Variants in HUWE1 observed in about 807,000 individuals in gnomAD.
HUWE1 encodes the protein HECT, UBA and WWE domain containing E3 ubiquitin protein ligase 1.
Under a neutral mutation model 299.4 loss-of-function variants are expected in HUWE1, and 18 were observed. The observed-to-expected ratio is 0.06, with a 90% CI of 0.04 to 0.09. The LOEUF (loss-of-function observed/expected upper bound fraction) is 0.09, where lower values mean the gene tolerates loss of function less well. Ranked by LOEUF, HUWE1 falls within the 10% of genes least tolerant of loss-of-function variation. HUWE1 has a pLI of 1.00. For synonymous variants in HUWE1, 1,317 were observed against 1,286.1 expected (o/e 1.02, Z -0.51); for missense variants, 1,832 against 3,462.3 (o/e 0.53, Z 11.82).
chrX:53,554,160 C>T (rs2061891768), intron 61 of HUWE1, among the ~76,000 whole-genome samples: 1 of 111,318 alleles, frequency 9.0e-6, no homozygotes, highest in Non-Finnish European at 1.9e-5. Flanking sequence ...TACAGAGTGA[C>T]TTGGGCTAAT....
chrX:53,604,489 C>A (rs782169694), intron 26 of HUWE1, 100 bp downstream of exon 26: 7 of 988,541 alleles, frequency 7.1e-6, no homozygotes, highest in Non-Finnish European at 1.0e-5. Context: ...GCTGCTACCT[C>A]AGGCAGACCT....
At position 53,561,874 on chromosome X, in the gene HUWE1, A is replaced by G; in HGVS notation, c.7389T>C (p.Ser2463=). The G allele has an allele frequency of 8.3e-7, 1 of 1,211,201 alleles. No homozygotes were observed. Among genetic ancestry groups the G allele is most frequent in the Non-Finnish European group, 1.1e-6 (1 of 895,055 alleles). The change falls in exon 55 of 84, where the codon TCT becomes TCC. Residue 2463 remains serine, a synonymous_variant. Coordinates refer to ENST00000262854, the MANE Select transcript of HUWE1 (RefSeq NM_031407.7). The part of the protein sequence containing the change: ...EGDEDDDDDG[S]EMELDEDYPD... Reference sequence around the variant, plus strand: ...GATAATCCTCATCCAATTCCATCTCAGAGCCATCGTCGTCATCGTCTTCAT... The same window carrying G: ...GATAATCCTCATCCAATTCCATCTCGGAGCCATCGTCGTCATCGTCTTCAT...
At chrX:53,567,408 G>A (rs1406973151) in intron 49 of HUWE1, among the ~76,000 whole-genome samples, 1 of 111,350 alleles carries the variant, frequency 9.0e-6, no homozygotes, top group African/African-American at 3.3e-5. Flanking sequence ...AGTGACTGCA[G>A]TGATCCAAAT....
chrX:53,577,758 G>T (rs1396112179), intron 43 of HUWE1, among the ~76,000 whole-genome samples: 1 of 114,642 alleles, frequency 8.7e-6, no homozygotes, highest in Non-Finnish European at 1.9e-5. Flanking sequence ...TCCTAACCGC[G>T]AGTGATCCGC....
chrX:53,626,641 C>T (rs1453754228), intron 17 of HUWE1, among the ~76,000 whole-genome samples: 1 of 111,858 alleles, frequency 8.9e-6, no homozygotes, highest in Non-Finnish European at 1.9e-5. Context: ...TTACTTTATA[C>T]ACTTGAATAA....
chrX:53,588,224 C>T (rs782745501), intron 37 of HUWE1, among the ~76,000 whole-genome samples, 158 bp downstream of exon 37: 1 of 111,693 alleles, frequency 9.0e-6, no homozygotes, highest in Non-Finnish European at 1.9e-5. Flanking sequence ...GTATTTTATA[C>T]GTAATTATAT....
intron 6 of HUWE1, among the ~76,000 whole-genome samples, chrX:53,645,886 G>GC (rs1390634965): frequency 9.4e-6 from 1 of 106,743 alleles, no homozygotes; most frequent in Non-Finnish European, 1.9e-5. Context: ...TCAAAATTGC[G>GC]CAGGTTTTCC....
At chrX:53,578,805 G>T (rs1394372889) in intron 43 of HUWE1, among the ~76,000 whole-genome samples, 1 of 75,026 alleles carries the variant, frequency 1.3e-5, no homozygotes, top group African/African-American at 5.1e-5. Context: ...GAGGGAGGTG[G>T]GGGGGGGTCA....
intron 12 of HUWE1, 43 bp downstream of exon 12, chrX:53,630,892 A>C: frequency 1.2e-6 from 1 of 802,645 alleles, no homozygotes; most frequent in Non-Finnish European, 1.9e-6. Context: ...ATCAGGCCCA[A>C]ACTGTCTAAT....
intron 2 of HUWE1, among the ~76,000 whole-genome samples, chrX:53,681,089 G>C (rs2070111441): frequency 9.0e-6 from 1 of 110,655 alleles, no homozygotes; most frequent in Admixed American, 9.6e-5. Flanking sequence ...TTGTATTAAA[G>C]GGTTGTTGCT....
chrX:53,540,556 T>G (rs1203943404), intron 74 of HUWE1, among the ~76,000 whole-genome samples: 3 of 112,221 alleles, frequency 2.7e-5, no homozygotes, highest in Admixed American at 9.4e-5. Flanking sequence ...CTTGAACTCC[T>G]GACCTCGTGA....
Position 53,573,922 on chromosome X carries a change from T to G in HUWE1, c.6140A>C (p.Glu2047Ala). The G allele has an allele frequency of 8.3e-7, 1 of 1,211,346 alleles. No individual in the cohort carries two copies. The highest frequency in any genetic ancestry group is 1.1e-6 in the Non-Finnish European group (1 of 895,394). Residue 2047 changes from glutamate (E) to alanine (A), a missense_variant, in exon 47 of 84, where the codon GAA (glutamate) becomes GCA (alanine). Physicochemically the swap from Glu to Ala is moderately radical, Grantham distance 107. Around this residue, in one of 15 missense-constraint regions of HUWE1, gnomAD observed 157 missense variants for 252.3 expected, o/e 0.62. Transcript: ENST00000262854. The part of the protein sequence containing the change: ...EESRDGKKDK[E>A]GDRASEEGKQ... ...GCCTTCCTCAGAGGCCCGGTCCCCT[T>G]CTTTATCTTTCTTCCCATCTCGAGA...
chrX:53,628,406 A>G, intron 15 of HUWE1, 87 bp downstream of exon 15: 3 of 959,519 alleles, frequency 3.1e-6, no homozygotes, highest in Non-Finnish European at 1.4e-6. Flanking sequence ...ATTTGCCCTC[A>G]CTGTGAAACA....
intron 82 of HUWE1, 46 bp downstream of exon 82, chrX:53,534,470 C>G (rs782663491): frequency 3.0e-5 from 34 of 1,119,467 alleles, no homozygotes; most frequent in Middle Eastern, 6.4e-4. Flanking sequence ...CTAGCGTTGC[C>G]TAGGGTAAGA....
Position 53,564,543 on chromosome X carries a change from C to G in HUWE1, c.7029+31G>C, listed in dbSNP as rs374868244. 13 of 1,205,158 alleles carry G rather than the reference C, an allele frequency of 1.1e-5. No individual in the cohort carries two copies. The African/African-American group carries it at 1.4e-4, about 13-fold the overall frequency. On this transcript the variant is annotated intron_variant, in intron 51 of 83. Transcript: ENST00000262854. ...GCAAGGGTTTGGTTCAGCGCCGCAA[C>G]AGGGAAATGCTGGGTGATCTGCCTC...
intron 78 of HUWE1, chrX:53,537,130 C>T (rs2061100321): frequency 4.3e-6 from 1 of 230,530 alleles, no homozygotes; most frequent in East Asian, 1.1e-4. Context: ...CATTAAACAA[C>T]TCCAATAGGT....
chrX:53,630,673 TA>T (rs11317885), intron 12 of HUWE1, among the ~76,000 whole-genome samples: 217 of 97,558 alleles, frequency 2.2e-3, no homozygotes, highest in Middle Eastern at 5.0e-3. Context: ...GCATATCTAT[TA>T]AAAAAAAAAA....
chrX:53,606,836 G>A (rs2065179257), intron 25 of HUWE1, among the ~76,000 whole-genome samples: 1 of 111,352 alleles, frequency 9.0e-6, no homozygotes, highest in Non-Finnish European at 1.9e-5. Flanking sequence ...GGGAGGATGA[G>A]AAGTTCAATG....
chrX:53,609,832 CTAGTAGTTCTCATCTTTGA>C (rs2065349245), intron 23 of HUWE1, among the ~76,000 whole-genome samples: 1 of 111,694 alleles, frequency 9.0e-6, no homozygotes, highest in Admixed American at 9.5e-5. Flanking sequence ...TGGCAAGAAG[CTAGTAGTTCTCATCTTTGA>C]GCAAGACAAA....
Sources: allele counts gnomAD v4.1 joint callset (sites outside exome capture counted in the v4.1 genomes callset), GRCh38; gene constraint gnomAD v4.1.1; regional missense constraint gnomAD v4.1.1; transcripts MANE v1.5; gene names NCBI Gene and HGNC (gene_info 2026-07-23, HGNC 2026-07-21).